GRIN2B: variants seen among roughly 807,000 people sequenced by gnomAD.
GRIN2B encodes the protein glutamate receptor ionotropic, NMDA 2B.
GRIN2B carries 5 observed loss-of-function variants against 114.5 expected under a neutral mutation model. That is an observed-to-expected ratio of 0.04 (90% confidence interval 0.02 to 0.09). The LOEUF (loss-of-function observed/expected upper bound fraction) is 0.09. GRIN2B is among the 10% of genes least tolerant of loss of function. The pLI is 1.00. For synonymous variants in GRIN2B, 787 were observed against 745.1 expected (o/e 1.06, Z -0.92); for missense variants, 1,108 against 1,943.5 (o/e 0.57, Z 8.08).
At chr12:13,832,363 C>T (rs1179965992) in intron 3 of GRIN2B, among the ~76,000 whole-genome samples, 2 of 152,122 alleles carry the variant, frequency 1.3e-5, no homozygotes, top group African/African-American at 4.8e-5. Context: ...CTCATCTCAC[C>T]CTTATCCTCT....
chr12:13,948,269 T>C (rs2136844094), intron 2 of GRIN2B, among the ~76,000 whole-genome samples: 1 of 152,264 alleles, frequency 6.6e-6, no homozygotes, highest in East Asian at 1.9e-4. Context: ...TGCTTTCTTT[T>C]CATAAGGATC....
At chr12:13,591,770 T>C (rs1409340565) in intron 10 of GRIN2B, among the ~76,000 whole-genome samples, 1 of 152,080 alleles carries the variant, frequency 6.6e-6, no homozygotes, top group African/African-American at 2.4e-5. Flanking sequence ...ATACAAAGGT[T>C]AATATATTTT....
intron 3 of GRIN2B, among the ~76,000 whole-genome samples, chr12:13,833,726 C>G (rs1367862180): frequency 6.6e-6 from 1 of 152,152 alleles, no homozygotes; most frequent in African/African-American, 2.4e-5. Context: ...CACTTCACTC[C>G]CATTCCTACC....
chr12:13,732,454 C>T (rs1863100506), intron 4 of GRIN2B, among the ~76,000 whole-genome samples: 1 of 152,218 alleles, frequency 6.6e-6, no homozygotes, highest in Admixed American at 6.5e-5. Context: ...CCTCGGGCCT[C>T]TGTATTCTAC....
intron 2 of GRIN2B, among the ~76,000 whole-genome samples, chr12:13,976,179 A>G (rs1211120349): frequency 6.6e-6 from 1 of 152,218 alleles, no homozygotes; most frequent in East Asian, 1.9e-4. Flanking sequence ...CTCCTTCTGG[A>G]AGATATCAAT....
intron 4 of GRIN2B, among the ~76,000 whole-genome samples, chr12:13,703,432 T>C (rs1950329633): frequency 6.6e-6 from 1 of 152,156 alleles, no homozygotes; most frequent in Non-Finnish European, 1.5e-5. Context: ...ATAATAATAA[T>C]TTCACTTTGT....
intron 2 of GRIN2B, among the ~76,000 whole-genome samples, chr12:13,941,891 G>A (rs1484708433): frequency 1.3e-5 from 2 of 152,206 alleles, no homozygotes; most frequent in East Asian, 1.9e-4. Context: ...CTCCCGCAGC[G>A]CAGTGTCTGC....
In GRIN2B at chr12:13,571,806, T is replaced by A. The variant is rs780117268; in HGVS notation, c.2169A>T (p.Thr723=). 9 of 1,614,168 alleles carry A rather than the reference T, an allele frequency of 5.6e-6. No homozygotes were observed. In the South Asian group the frequency reaches 6.6e-5, roughly 12 times the overall value. ...CTGAGCTTGGAAGCAGTTCTTACCC[T>A]GTTTTCAGGGAGAGCAATGCATCAT... ...GVDDALLSLK[T]GKLDAFIYDA... The change falls in exon 11 of 14, where the codon ACA becomes ACT. Residue 723 remains threonine (T), a splice_region_variant and synonymous_variant. Transcript: ENST00000609686.
intron 4 of GRIN2B, among the ~76,000 whole-genome samples, chr12:13,695,483 G>A (rs796518911): frequency 7.2e-5 from 11 of 152,318 alleles, no homozygotes; most frequent in African/African-American, 2.6e-4. Context: ...GTCTGAAAGA[G>A]CGAGTAGTCT....
At chr12:13,930,888 A>T (rs1422170629) in intron 2 of GRIN2B, among the ~76,000 whole-genome samples, 2 of 152,216 alleles carry the variant, frequency 1.3e-5, no homozygotes, top group Non-Finnish European at 2.9e-5. Flanking sequence ...GCTTTGAAAT[A>T]GCATGTGTGT....
At chr12:13,667,783 GA>G (rs892154030) in intron 5 of GRIN2B, among the ~76,000 whole-genome samples, 2 of 151,730 alleles carry the variant, frequency 1.3e-5, no homozygotes, top group African/African-American at 4.8e-5. Context: ...AGAATGCACA[GA>G]AAAAAAACAC....
chr12:13,888,086 A>C (rs1389579926), intron 2 of GRIN2B, among the ~76,000 whole-genome samples: 1 of 152,200 alleles, frequency 6.6e-6, no homozygotes, highest in African/African-American at 2.4e-5. Flanking sequence ...TGAGAAAGGG[A>C]AAGAGAATGA....
intron 4 of GRIN2B, among the ~76,000 whole-genome samples, chr12:13,705,373 G>T (rs1950350755): frequency 2.0e-5 from 3 of 152,108 alleles, no homozygotes; most frequent in Admixed American, 1.3e-4. Context: ...AATCCCAGAT[G>T]ATCAGATTAG....
In GRIN2B at chr12:13,733,779, C is replaced by T. The variant is rs369275126; in HGVS notation, c.1010+19538G>A. Among the ~76,000 whole-genome samples, 260 of 152,226 alleles carry T rather than the reference C, an allele frequency of 1.7e-3. 4 individuals carry two copies. Among genetic ancestry groups the T allele is most frequent in the African/African-American group, 5.6e-3 (233 of 41,534 alleles). ...TGGAAAGAAACATAGAAGTTCAATA[C>T]CTCATATAATCAAAAAATCAAAAAA... On this transcript the variant is annotated intron_variant, in intron 4 of 13. Coordinates refer to ENST00000609686, the MANE Select transcript of GRIN2B (RefSeq NM_000834.5).
chr12:13,648,908 C>T (rs1949788461), intron 5 of GRIN2B, among the ~76,000 whole-genome samples: 1 of 151,962 alleles, frequency 6.6e-6, no homozygotes, highest in Non-Finnish European at 1.5e-5. Context: ...TTGGTTTTAA[C>T]ATATGTGCTA....
At chr12:13,926,977 A>G (rs985067535) in intron 2 of GRIN2B, among the ~76,000 whole-genome samples, 4 of 149,814 alleles carry the variant, frequency 2.7e-5, no homozygotes, top group Non-Finnish European at 4.5e-5. Context: ...AAAAAAAGAC[A>G]AATTTGTATG....
At chr12:13,832,298 T>C (rs560883237) in intron 3 of GRIN2B, among the ~76,000 whole-genome samples, 1 of 152,362 alleles carries the variant, frequency 6.6e-6, no homozygotes, top group Admixed American at 6.5e-5. Context: ...TTTTGGTGTC[T>C]ATATGTAATC....
At chr12:13,934,402 T>C (rs745587692) in intron 2 of GRIN2B, among the ~76,000 whole-genome samples, 2 of 152,238 alleles carry the variant, frequency 1.3e-5, no homozygotes, top group Non-Finnish European at 2.9e-5. Flanking sequence ...CTTCACAAAA[T>C]TCGTTAATGG....
rs1300574984 is a variant in GRIN2B at position 13,563,677 on chromosome 12, G to A, written c.3561C>T (p.His1187=). The A allele has an allele frequency of 2.5e-6, 4 of 1,613,542 alleles. No individual in the cohort carries two copies. Among genetic ancestry groups the A allele is most frequent in the African/African-American group, 1.3e-5 (1 of 75,062 alleles). ...GTGCAGGTACCCCGCTGACCACGCCGTGTTTGTCGCCCGTCCCGTGCTTGA... is the reference window on the plus strand; with the variant it reads ...GTGCAGGTACCCCGCTGACCACGCCATGTTTGTCGCCCGTCCCGTGCTTGA... The part of the protein sequence containing the change: ...SHIKHGTGDK[H]GVVSGVPAPW... The change falls in exon 14 of 14, where the codon CAC becomes CAT. Residue 1187 remains histidine (H), a synonymous_variant. Coordinates refer to ENST00000609686, the MANE Select transcript of GRIN2B (RefSeq NM_000834.5).
Sources: allele counts gnomAD v4.1 joint callset (sites outside exome capture counted in the v4.1 genomes callset), GRCh38; gene constraint gnomAD v4.1.1; transcripts MANE v1.5; gene names NCBI Gene and HGNC (gene_info 2026-07-23, HGNC 2026-07-21).